Variants in CCND1 observed in about 807,000 individuals in gnomAD.
CCND1 encodes G1/S-specific cyclin-D1.
Under a neutral mutation model 26.1 loss-of-function variants are expected in CCND1, and 9 were observed. The observed-to-expected ratio is 0.35, with a 90% CI of 0.21 to 0.60. The LOEUF (loss-of-function observed/expected upper bound fraction) is 0.60, where lower values mean the gene tolerates loss of function less well. Ranked by LOEUF, CCND1 falls within the 20% of genes least tolerant of loss-of-function variation. CCND1 has a pLI of 0.79. For missense variants in CCND1, 335 were observed against 392.9 expected, an observed-to-expected ratio of 0.85 and a Z score of 1.25; for synonymous variants, 194 against 166.1, an observed-to-expected ratio of 1.17 and a Z score of -1.29.
intron 4 of CCND1, 177 bp downstream of exon 4, chr11:69,648,319 C>T: frequency 1.6e-6 from 1 of 641,608 alleles, no homozygotes; most frequent in Non-Finnish European, 2.6e-6. Flanking sequence ...TTCCACTGCT[C>T]CTAGAACTTA....
chr11:69,647,469 C>A (rs1239960981), intron 3 of CCND1, among the ~76,000 whole-genome samples: 1 of 151,344 alleles, frequency 6.6e-6, no homozygotes, highest in Non-Finnish European at 1.5e-5. Flanking sequence ...CAGTACCCTG[C>A]AGCCCCGTGG....
chr11:69,646,624 G>A (rs1855785356), intron 3 of CCND1, among the ~76,000 whole-genome samples: 1 of 152,076 alleles, frequency 6.6e-6, no homozygotes, highest in South Asian at 2.1e-4. Context: ...CCCAGCCCAG[G>A]GCCCCTGGTT....
chr11:69,651,134 G>A lies in CCND1; in HGVS notation c.740G>A (p.Cys247Tyr), dbSNP rs1417190579. 1 of 1,613,120 alleles carries A rather than the reference G, an allele frequency of 6.2e-7. No individual in the cohort carries two copies. Among genetic ancestry groups the A allele is most frequent in the Non-Finnish European group, 8.5e-7 (1 of 1,179,522 alleles). ...CTCTCTCAGGACTGCCTCCGGGCCT[G>A]CCAGGAGCAGATCGAAGCCCTGCTG... is the stretch of plus-strand genomic sequence containing the variant. The part of the protein sequence containing the change: ...IKCDPDCLRA[C>Y]QEQIEALLES... The change falls in exon 5 of 5, where the codon TGC becomes TAC. Residue 247 changes from cysteine (C) to tyrosine (Y), a missense_variant. Transcript: ENST00000227507.
chr11:69,647,431 C>CA (rs1855796783), intron 3 of CCND1, among the ~76,000 whole-genome samples: 1 of 152,142 alleles, frequency 6.6e-6, no homozygotes, highest in Non-Finnish European at 1.5e-5. Context: ...CCAGGGCTTA[C>CA]CCCTCAAGGG....
intron 1 of CCND1, 97 bp from the exon 2 acceptor site, chr11:69,642,934 G>C (rs1855727972): frequency 1.2e-6 from 1 of 860,216 alleles, no homozygotes. Flanking sequence ...GCGCCCTCCA[G>C]ACCTGGCGGC....
chr11:69,645,496 TG>T (rs1340886432), intron 3 of CCND1, among the ~76,000 whole-genome samples: 4 of 152,090 alleles, frequency 2.6e-5, no homozygotes, highest in Non-Finnish European at 5.9e-5. Context: ...GAGGGACACT[TG>T]GGGACCCAGC....
At chr11:69,648,227 C>T (rs1855810140) in intron 4 of CCND1, 85 bp downstream of exon 4, 2 of 1,508,612 alleles carry the variant, frequency 1.3e-6, no homozygotes, top group Non-Finnish European at 1.8e-6. Flanking sequence ...AGGCTGGTGC[C>T]AAGGCCCCCA....
chr11:69,647,387 G>A (rs764334292), intron 3 of CCND1, among the ~76,000 whole-genome samples: 7 of 152,076 alleles, frequency 4.6e-5, no homozygotes, highest in Non-Finnish European at 5.9e-5. Flanking sequence ...GGCCTGAGCC[G>A]CAGCCACACC....
At position 69,654,400 on chromosome 11, in the gene CCND1, A is replaced by T. The variant is rs1226716096; in HGVS notation, c.*3118A>T. 2.9e-6 allele frequency: 2 copies of T among 698,084 alleles called. No individual in the cohort carries two copies. Among genetic ancestry groups the T allele is most frequent in the Admixed American group, 2.0e-5 (1 of 49,654 alleles). The allele number at this position is 698,084 out of a possible 1,614,324, so 43.2% of individuals were successfully genotyped here. A position where few individuals can be genotyped will look rare whatever the true frequency, so the allele number is the denominator to read the frequency against. ...CACCGCGGCGCTTCCCAGCACCAAC[A>T]TGTAACCGGCATGTTTCCAGCAGAA... On this transcript the variant is annotated 3_prime_UTR_variant, in exon 5 of 5. Coordinates refer to ENST00000227507, the MANE Select transcript of CCND1 (RefSeq NM_053056.3). This position sits in a 1 kb window ranked among gnomAD's most constrained non-coding sequence, Gnocchi z 6.3.
At position 69,653,454 on chromosome 11, in the gene CCND1, A is replaced by C; in HGVS notation, c.*2172A>C. 1.7e-6 allele frequency: 1 copy of C among 604,884 alleles called. No individual in the cohort carries two copies. The highest frequency in any genetic ancestry group is 2.9e-6 in the Non-Finnish European group (1 of 346,954). 37.5% of individuals were successfully genotyped at this position (604,884 alleles called of 1,614,324 possible). ...TTTTTATGTGATCAATTTTGACTTA[A>C]TGTGATTACTGCTCTATTCCAAAAA... On this transcript the variant is annotated 3_prime_UTR_variant, in exon 5 of 5. Coordinates refer to ENST00000227507, the MANE Select transcript of CCND1 (RefSeq NM_053056.3).
intron 4 of CCND1, among the ~76,000 whole-genome samples, chr11:69,649,263 G>A (rs1451081045): frequency 6.6e-6 from 1 of 152,170 alleles, no homozygotes; most frequent in Non-Finnish European, 1.5e-5. Context: ...TTTTCATTTC[G>A]AACTCCACGC....
intron 1 of CCND1, among the ~76,000 whole-genome samples, chr11:69,642,275 C>A (rs1368061834): frequency 6.6e-6 from 1 of 152,204 alleles, no homozygotes. Flanking sequence ...GCAGGGATAT[C>A]GGCTTGGAGG....
Position 69,654,120 on chromosome 11 carries a change from A to ACCC in CCND1, c.*2840_*2842dup. ...CGGAGGCCATCTCGGGCACAGGCCC[A>ACCC]CCCCGCCCCACCCCTCCAGAACACG... On this transcript the variant is annotated 3_prime_UTR_variant, in exon 5 of 5. Coordinates refer to ENST00000227507, the MANE Select transcript of CCND1 (RefSeq NM_053056.3). This position sits in a 1 kb window ranked among gnomAD's most constrained non-coding sequence, Gnocchi z 6.3. The ACCC allele has an allele frequency of 8.7e-6, 4 of 458,698 alleles. No homozygotes were observed. The highest frequency in any genetic ancestry group is 5.2e-5 in the East Asian group (1 of 19,346). 28.4% of individuals were successfully genotyped at this position (458,698 alleles called of 1,614,324 possible). A position where few individuals can be genotyped will look rare whatever the true frequency, so the allele number is the denominator to read the frequency against.
chr11:69,648,918 G>T (rs1289781042), intron 4 of CCND1, among the ~76,000 whole-genome samples: 1 of 152,168 alleles, frequency 6.6e-6, no homozygotes, highest in East Asian at 1.9e-4. Context: ...GCTATCTAGG[G>T]TCCACCTGCC....
At chr11:69,645,581 C>T (rs1277524790) in intron 3 of CCND1, among the ~76,000 whole-genome samples, 2 of 152,172 alleles carry the variant, frequency 1.3e-5, no homozygotes, top group African/African-American at 4.8e-5. Context: ...GACCAGGGGA[C>T]CCACCCCTGC....
chr11:69,643,206 G>A lies in CCND1; in HGVS notation c.374G>A (p.Cys125Tyr). ...ATCCCCCTGACGGCCGAGAAGCTGT[G>A]CATCTACACCGACAACTCCATCCGG... The part of the protein sequence containing the change: ...ETIPLTAEKL[C>Y]IYTDNSIRPE... The change falls in exon 2 of 5, where the codon TGC becomes TAC. Residue 125 changes from cysteine (C) to tyrosine (Y), a missense_variant. By Grantham distance (194) the Cys-to-Tyr change is radical. Coordinates refer to ENST00000227507, the MANE Select transcript of CCND1 (RefSeq NM_053056.3). 6.2e-7 allele frequency: 1 copy of A among 1,602,276 alleles called. No individual in the cohort carries two copies. The highest frequency in any genetic ancestry group is 1.1e-5 in the South Asian group (1 of 89,510).
intron 3 of CCND1, among the ~76,000 whole-genome samples, chr11:69,645,079 C>G (rs1389780284): frequency 1.3e-5 from 2 of 152,204 alleles, no homozygotes; most frequent in African/African-American, 4.8e-5. Flanking sequence ...ACCTCCTCCA[C>G]CTGCTTGGGG....
In CCND1 at chr11:69,654,250, G is replaced by C. The variant is rs755255558; in HGVS notation, c.*2968G>C. ...TGATGGGGCAAGGGCACAAGTCCTG[G>C]ATGTTGTGTGTATCGAGAGGCCAAA... On this transcript the variant is annotated 3_prime_UTR_variant, in exon 5 of 5. Coordinates refer to ENST00000227507, the MANE Select transcript of CCND1 (RefSeq NM_053056.3). The surrounding 1 kb of genome is among the most constrained non-coding windows in gnomAD (Gnocchi z 6.3). The C allele has an allele frequency of 1.4e-6, 1 of 702,544 alleles. No individual in the cohort carries two copies. Among genetic ancestry groups the C allele is most frequent in the South Asian group, 1.5e-5 (1 of 67,592 alleles). The allele number at this position is 702,544 out of a possible 1,614,324, so 43.5% of individuals were successfully genotyped here.
At chr11:69,648,969 G>T (rs1855821544) in intron 4 of CCND1, among the ~76,000 whole-genome samples, 1 of 152,220 alleles carries the variant, frequency 6.6e-6, no homozygotes, top group Admixed American at 6.5e-5. Context: ...GGGACACTGG[G>T]AGTAGCGGCT....
Sources: allele counts gnomAD v4.1 joint callset (sites outside exome capture counted in the v4.1 genomes callset), GRCh38; gene constraint gnomAD v4.1.1; non-coding constraint Gnocchi (gnomAD v3.1); transcripts MANE v1.5; gene names NCBI Gene and HGNC (gene_info 2026-07-23, HGNC 2026-07-21).